The following C16orf74 variants were observed in gnomAD, a reference collection of about 807,000 sequenced individuals.
C16orf74 encodes the protein calcimembrin.
Under a neutral mutation model 6.5 loss-of-function variants are expected in C16orf74, and 10 were observed. That is an observed-to-expected ratio of 1.54 (90% CI 0.95 to 2.61). C16orf74 has a LOEUF of 2.61. C16orf74 is among the 30% of genes most tolerant of loss of function. C16orf74 has a pLI of 0.00. For missense variants in C16orf74, 141 were observed against 105.9 expected, an observed-to-expected ratio of 1.33 and a Z score of -1.45; for synonymous variants, 60 against 42.5, an observed-to-expected ratio of 1.41 and a Z score of -1.60.
chr16:85,712,469 C>G (rs992156341), intron 2 of C16orf74, among the ~76,000 whole-genome samples: 1 of 152,236 alleles, frequency 6.6e-6, no homozygotes, highest in Non-Finnish European at 1.5e-5. Flanking sequence ...GGGGAAATCA[C>G]AGGAGGCTTC....
At chr16:85,710,718 C>T (rs951836205) in intron 2 of C16orf74, 1 of 166,260 alleles carries the variant, frequency 6.0e-6, no homozygotes, top group South Asian at 1.8e-4. Context: ...CCCCTTCGTG[C>T]CTTTGCATAT....
chr16:85,731,534 C>T (rs1325666990), intron 2 of C16orf74, among the ~76,000 whole-genome samples: 1 of 152,116 alleles, frequency 6.6e-6, no homozygotes, highest in Non-Finnish European at 1.5e-5. Context: ...CTGGCGGGTC[C>T]CTCCTCCTGG....
intron 3 of C16orf74, among the ~76,000 whole-genome samples, chr16:85,708,460 GCTCT>G (rs2053935396): frequency 6.6e-6 from 1 of 152,158 alleles, no homozygotes; most frequent in African/African-American, 2.4e-5. Flanking sequence ...CCCACACTGG[GCTCT>G]CTGATTAGAC....
At chr16:85,727,547 C>A (rs1015762585) in intron 2 of C16orf74, among the ~76,000 whole-genome samples, 3 of 146,234 alleles carry the variant, frequency 2.1e-5, no homozygotes, top group African/African-American at 7.6e-5. Context: ...CGGTGGCTCA[C>A]GCCTGTAATC....
Position 85,717,003 on chromosome 16 carries a change from G to A in C16orf74, c.29-6696C>T, listed in dbSNP as rs529674536. On this transcript the variant is annotated intron_variant, in intron 2 of 3. Transcript: ENST00000284245. ...GAGCAGATCCCAGGGACCCAGGCCC[G>A]TCCCAAGGCTTCAGAAGGATGGAGC... Among the ~76,000 whole-genome samples, 7 of 152,296 alleles carry A rather than the reference G, an allele frequency of 4.6e-5. No individual in the cohort carries two copies. The East Asian group carries it at 7.7e-4, about 17-fold the overall frequency.
intron 2 of C16orf74, among the ~76,000 whole-genome samples, chr16:85,716,118 T>G (rs1485314563): frequency 6.6e-6 from 1 of 152,028 alleles, no homozygotes; most frequent in Non-Finnish European, 1.5e-5. Flanking sequence ...TCCAAGATTC[T>G]AAAATAAAAC....
chr16:85,742,752 G>A (rs2054324219), intron 1 of C16orf74, among the ~76,000 whole-genome samples: 1 of 152,138 alleles, frequency 6.6e-6, no homozygotes, highest in Non-Finnish European at 1.5e-5. Context: ...TGTTAATCAG[G>A]CTAGTCTTGA....
In C16orf74 at chr16:85,728,957, G is replaced by A. The variant is rs114300186; in HGVS notation, c.28+6233C>T. Reference sequence around the variant, plus strand: ...AAAACCCTGAGTTCCTGACTCAGTTGATCCAGTGGGTCCTGAGAATCTGAT... The same window carrying A: ...AAAACCCTGAGTTCCTGACTCAGTTAATCCAGTGGGTCCTGAGAATCTGAT... On this transcript the variant is annotated intron_variant, in intron 2 of 3. Coordinates refer to ENST00000284245, the MANE Select transcript of C16orf74 (RefSeq NM_206967.3). Among the ~76,000 whole-genome samples, 843 of 152,330 alleles carry A rather than the reference G, an allele frequency of 5.5e-3. 8 individuals carry two copies. Among genetic ancestry groups the A allele is most frequent in the African/African-American group, 0.019 (810 of 41,568 alleles).
intron 2 of C16orf74, among the ~76,000 whole-genome samples, chr16:85,724,792 G>A (rs925535820): frequency 6.6e-6 from 1 of 152,214 alleles, no homozygotes; most frequent in Non-Finnish European, 1.5e-5. Context: ...CATTTGTTGC[G>A]TGGTCTGTGT....
intron 1 of C16orf74, among the ~76,000 whole-genome samples, chr16:85,740,706 A>G (rs1279150814): frequency 2.6e-5 from 4 of 151,264 alleles, no homozygotes; most frequent in Non-Finnish European, 5.9e-5. Flanking sequence ...AAAAAAAAAA[A>G]AAAAAAAATT....
chr16:85,735,570 GCCTTT>G (rs1386268196), intron 1 of C16orf74, among the ~76,000 whole-genome samples: 20 of 152,318 alleles, frequency 1.3e-4, no homozygotes, highest in Admixed American at 9.8e-4. Flanking sequence ...ACACCACCAA[GCCTTT>G]CCTTTCAAGA....
At chr16:85,739,671 A>AT in intron 1 of C16orf74, among the ~76,000 whole-genome samples, 1 of 152,042 alleles carries the variant, frequency 6.6e-6, no homozygotes, top group Middle Eastern at 3.4e-3. Context: ...ATGGTGGTGC[A>AT]TGCCTGTAAC....
chr16:85,714,491 C>G (rs1334105936), intron 2 of C16orf74, among the ~76,000 whole-genome samples: 1 of 151,996 alleles, frequency 6.6e-6, no homozygotes, highest in East Asian at 1.9e-4. Flanking sequence ...GTGATCTCGA[C>G]TCACTGCAAC....
chr16:85,734,125 G>A (rs1228960761), intron 2 of C16orf74, among the ~76,000 whole-genome samples: 5 of 152,170 alleles, frequency 3.3e-5, no homozygotes, highest in African/African-American at 1.2e-4. Flanking sequence ...CGCTTCTGTA[G>A]CTTGCATCTA....
At chr16:85,709,987 C>T (rs944621205) in intron 3 of C16orf74, among the ~76,000 whole-genome samples, 177 bp downstream of exon 3, 4 of 152,240 alleles carry the variant, frequency 2.6e-5, no homozygotes, top group African/African-American at 7.2e-5. Context: ...CTGAGGCTGG[C>T]GCCGTGGCAG....
chr16:85,721,744 CCTGG>C (rs2054085176), intron 2 of C16orf74, among the ~76,000 whole-genome samples: 1 of 152,218 alleles, frequency 6.6e-6, no homozygotes, highest in Non-Finnish European at 1.5e-5. Context: ...CGCTGGCACT[CCTGG>C]CATGGAGCTG....
chr16:85,709,370 A>G (rs2053944239), intron 3 of C16orf74, among the ~76,000 whole-genome samples: 1 of 152,116 alleles, frequency 6.6e-6, no homozygotes, highest in African/African-American at 2.4e-5. Flanking sequence ...ATAAATAAAT[A>G]CAAATAATAA....
In C16orf74 at chr16:85,744,925, T is replaced by C. The variant is rs551904285; in HGVS notation, c.-19+6001A>G. The stretch of plus-strand genomic sequence containing the variant: ...GGGAGGCCGAGGTGGGCGGATCACC[T>C]GAGGTTGGGAGTTCAAGACCAGCCT... On this transcript the variant is annotated intron_variant, in intron 1 of 3. Coordinates refer to ENST00000284245, the MANE Select transcript of C16orf74 (RefSeq NM_206967.3). Among the ~76,000 whole-genome samples, 472 of 150,526 alleles carry C rather than the reference T, an allele frequency of 3.1e-3. 3 individuals carry two copies. Among genetic ancestry groups the C allele is most frequent in the African/African-American group, 0.011 (449 of 41,004 alleles).
chr16:85,731,728 C>T (rs1223483807), intron 2 of C16orf74, among the ~76,000 whole-genome samples: 2 of 152,134 alleles, frequency 1.3e-5, no homozygotes, highest in East Asian at 1.9e-4. Context: ...GGCTCTGTCA[C>T]CCAGGCTGGA....
Sources: allele counts gnomAD v4.1 joint callset (sites outside exome capture counted in the v4.1 genomes callset), GRCh38; gene constraint gnomAD v4.1.1; transcripts MANE v1.5; gene names NCBI Gene and HGNC (gene_info 2026-07-23, HGNC 2026-07-21).